FOXP2: variants seen among roughly 807,000 people sequenced by gnomAD.
FOXP2 encodes forkhead box protein P2.
In FOXP2, 12 loss-of-function variants were observed where a neutral mutation model predicts 115.8. The observed-to-expected ratio is 0.10, with a 90% confidence interval of 0.07 to 0.17. FOXP2 has a LOEUF of 0.17. FOXP2 is among the 10% of genes least tolerant of loss of function. FOXP2 has a pLI of 1.00. For missense variants in FOXP2, 629 were observed against 843.5 expected, an observed-to-expected ratio of 0.75 and a Z score of 3.15; for synonymous variants, 328 against 297.7, an observed-to-expected ratio of 1.10 and a Z score of -1.05.
intron 1 of FOXP2, among the ~76,000 whole-genome samples, chr7:114,280,077 CAAAT>C (rs141041172): frequency 0.49 from 70,275 of 142,772 alleles, 17,898 homozygotes; most frequent in Non-Finnish European, 0.55. Context: ...GACTCTCAGG[CAAAT>C]AAATAAATAA....
chr7:114,553,389 C>A (rs535608252), intron 3 of FOXP2, among the ~76,000 whole-genome samples: 1 of 152,122 alleles, frequency 6.6e-6, no homozygotes, highest in Non-Finnish European at 1.5e-5. Flanking sequence ...AAATAAAATT[C>A]TGAATGAAAT....
At chr7:114,536,347 G>A (rs1042858204) in intron 3 of FOXP2, among the ~76,000 whole-genome samples, 1 of 149,916 alleles carries the variant, frequency 6.7e-6, no homozygotes, top group African/African-American at 2.4e-5. Context: ...CTATATTGCT[G>A]GTTACCAGGG....
chr7:114,371,613 T>C (rs1435293932), intron 2 of FOXP2, among the ~76,000 whole-genome samples: 1 of 152,148 alleles, frequency 6.6e-6, no homozygotes, highest in African/African-American at 2.4e-5. Context: ...CTTAATTTAA[T>C]AGTCAAAGAT....
intron 2 of FOXP2, among the ~76,000 whole-genome samples, chr7:114,346,431 G>A (rs958143533): frequency 2.0e-5 from 3 of 151,742 alleles, no homozygotes; most frequent in Admixed American, 1.3e-4. Flanking sequence ...ATTACTGAGT[G>A]TATAGTCAAT....
chr7:114,661,679 C>T (rs911984460), intron 13 of FOXP2: 2 of 258,930 alleles, frequency 7.7e-6, no homozygotes, highest in South Asian at 4.5e-5. Flanking sequence ...TTTAATACCT[C>T]AAGCAGGACT....
chr7:114,301,754 C>G (rs902863240), intron 2 of FOXP2, among the ~76,000 whole-genome samples: 4 of 152,048 alleles, frequency 2.6e-5, no homozygotes, highest in Non-Finnish European at 5.9e-5. Context: ...TGGAGGAATC[C>G]TCTAAGAATG....
intron 2 of FOXP2, among the ~76,000 whole-genome samples, chr7:114,407,487 G>C (rs8180817): frequency 0.39 from 59,064 of 151,936 alleles, 12,650 homozygotes; most frequent in East Asian, 0.63. Flanking sequence ...TTTTTAAGTT[G>C]TTTACCTGAA....
intron 1 of FOXP2, among the ~76,000 whole-genome samples, chr7:114,182,603 C>T (rs1011509101): frequency 9.9e-5 from 15 of 150,824 alleles, no homozygotes; most frequent in African/African-American, 3.4e-4. Flanking sequence ...ATATAAACAA[C>T]TATTGTGTTT....
intron 2 of FOXP2, among the ~76,000 whole-genome samples, chr7:114,474,700 C>T (rs1403528100): frequency 6.6e-6 from 1 of 152,136 alleles, no homozygotes; most frequent in Non-Finnish European, 1.5e-5. Context: ...TGCTGACAAA[C>T]ATTTACAATT....
chr7:114,179,470 C>A (rs1416954683), intron 1 of FOXP2, among the ~76,000 whole-genome samples: 1 of 151,922 alleles, frequency 6.6e-6, no homozygotes, highest in Non-Finnish European at 1.5e-5. Context: ...TCCTACATGC[C>A]TTGTTCAAGC....
intron 1 of FOXP2, among the ~76,000 whole-genome samples, chr7:114,176,985 A>G (rs1044610799): frequency 2.6e-5 from 4 of 151,972 alleles, no homozygotes; most frequent in Non-Finnish European, 5.9e-5. Flanking sequence ...TTTTTTCTCA[A>G]TATTAGCTGT....
chr7:114,530,800 A>G (rs544553614), intron 2 of FOXP2, among the ~76,000 whole-genome samples: 32 of 152,028 alleles, frequency 2.1e-4, no homozygotes, highest in African/African-American at 7.7e-4. Context: ...TCTTACAAAA[A>G]TTTAGTTAAA....
Position 114,690,131 on chromosome 7 carries a change from T to A in FOXP2, c.*205T>A. On this transcript the variant is annotated 3_prime_UTR_variant, in exon 17 of 17. Coordinates refer to ENST00000350908, the MANE Select transcript of FOXP2 (RefSeq NM_014491.4). ...CTTGTTTTCTTCTTCTTCTTCTTCT[T>A]TTTTTTTTTTTTTTTAGAAAAAAAG... is the stretch of plus-strand genomic sequence containing the variant. The A allele has an allele frequency of 1.0e-4, 14 of 133,840 alleles. No homozygotes were observed. Among genetic ancestry groups the A allele is most frequent in the Non-Finnish European group, 2.0e-4 (12 of 60,016 alleles). 8.3% of individuals were successfully genotyped at this position (133,840 alleles called of 1,614,324 possible). A position where few individuals can be genotyped will look rare whatever the true frequency, so the allele number is the denominator to read the frequency against.
chr7:114,653,272 A>C (rs931433707), intron 9 of FOXP2: 13 of 155,918 alleles, frequency 8.3e-5, no homozygotes, highest in African/African-American at 3.1e-4. Context: ...AGTTCAGCTG[A>C]TGATACAGTC....
intron 1 of FOXP2, among the ~76,000 whole-genome samples, chr7:114,228,917 T>C (rs1333197542): frequency 6.6e-6 from 1 of 151,548 alleles, no homozygotes; most frequent in African/African-American, 2.4e-5. Context: ...TTATTTTAAA[T>C]TTAAATTAAT....
chr7:114,577,368 G>T (rs1477926233), intron 3 of FOXP2, among the ~76,000 whole-genome samples: 1 of 151,856 alleles, frequency 6.6e-6, no homozygotes. Flanking sequence ...CCGGAGTTTT[G>T]TTATGCTATA....
At chr7:114,260,170 T>TTC (rs1795713463) in intron 1 of FOXP2, among the ~76,000 whole-genome samples, 1 of 151,398 alleles carries the variant, frequency 6.6e-6, no homozygotes, top group Non-Finnish European at 1.5e-5. Context: ...GGATAACAGA[T>TTC]GTGAGCCACT....
chr7:114,514,267 A>G (rs909298666), intron 2 of FOXP2, among the ~76,000 whole-genome samples: 1 of 152,048 alleles, frequency 6.6e-6, no homozygotes, highest in Non-Finnish European at 1.5e-5. Context: ...TTATGATGAG[A>G]ATATGTTAAA....
intron 3 of FOXP2, among the ~76,000 whole-genome samples, chr7:114,605,132 T>C (rs1336739890): frequency 6.6e-6 from 1 of 152,160 alleles, no homozygotes; most frequent in African/African-American, 2.4e-5. Context: ...TCAAATTAAG[T>C]GTAATTACAA....
Sources: allele counts gnomAD v4.1 joint callset (sites outside exome capture counted in the v4.1 genomes callset), GRCh38; gene constraint gnomAD v4.1.1; transcripts MANE v1.5; gene names NCBI Gene and HGNC (gene_info 2026-07-23, HGNC 2026-07-21).